Variants in NOL9 observed in about 807,000 individuals in gnomAD.
NOL9 encodes the protein polynucleotide 5'-hydroxyl-kinase NOL9.
In NOL9, 28 loss-of-function variants were observed where a neutral mutation model predicts 67.9. That is an observed-to-expected ratio of 0.41 (90% CI 0.31 to 0.57). The LOEUF (loss-of-function observed/expected upper bound fraction) is 0.57, where lower values mean the gene tolerates loss of function less well. Among genes scored for constraint, NOL9 ranks in the 20% least tolerant of loss-of-function variants. The pLI is 0.25. For synonymous variants in NOL9, 356 were observed against 352.2 expected (o/e 1.01, Z -0.12); for missense variants, 777 against 897.0 (o/e 0.87, Z 1.71).
chr1:6,532,154 G>A, intron 8 of NOL9, 75 bp from the exon 9 acceptor site: 1 of 1,152,778 alleles, frequency 8.7e-7, no homozygotes, highest in South Asian at 1.3e-5. Flanking sequence ...TCATCACAGA[G>A]GTCACATTTT....
intron 6 of NOL9, among the ~76,000 whole-genome samples, chr1:6,534,907 G>C (rs1639115486): frequency 6.6e-6 from 1 of 152,122 alleles, no homozygotes; most frequent in African/African-American, 2.4e-5. Context: ...GAGTTCAGGT[G>C]ATTCTCCTGC....
At chr1:6,531,122 T>C (rs1386969438) in intron 9 of NOL9, among the ~76,000 whole-genome samples, 2 of 152,252 alleles carry the variant, frequency 1.3e-5, no homozygotes, top group Non-Finnish European at 2.9e-5. Context: ...ACTATCATGC[T>C]TTCCTCCCAA....
intron 8 of NOL9, 96 bp from the exon 9 acceptor site, chr1:6,532,175 TG>T: frequency 1.0e-6 from 1 of 982,174 alleles, no homozygotes; most frequent in Non-Finnish European, 1.6e-6. Context: ...CACAGAGTAC[TG>T]GGCTTTCCAA....
chr1:6,540,456 T>C (rs1639259941), intron 6 of NOL9, among the ~76,000 whole-genome samples: 1 of 152,056 alleles, frequency 6.6e-6, no homozygotes, highest in Non-Finnish European at 1.5e-5. Context: ...GTTTTCATTT[T>C]GGGATGACAA....
At chr1:6,547,017 C>A (rs1388143090) in intron 3 of NOL9, among the ~76,000 whole-genome samples, 3 of 152,224 alleles carry the variant, frequency 2.0e-5, no homozygotes, top group Admixed American at 1.3e-4. Context: ...CGTTTAAAGA[C>A]TTCCTGACCT....
chr1:6,535,565 G>C (rs575770948), intron 6 of NOL9, among the ~76,000 whole-genome samples: 2 of 152,272 alleles, frequency 1.3e-5, no homozygotes, highest in Admixed American at 1.3e-4. Flanking sequence ...TATACATAGG[G>C]ATATTGTACA....
chr1:6,530,315 GT>G (rs768095038), intron 9 of NOL9, among the ~76,000 whole-genome samples: 14 of 151,648 alleles, frequency 9.2e-5, no homozygotes, highest in Non-Finnish European at 1.9e-4. Flanking sequence ...TTAGCTGGGC[GT>G]GGTGGCACGT....
chr1:6,551,867 T>TA (rs952861709), intron 1 of NOL9, among the ~76,000 whole-genome samples: 13 of 151,454 alleles, frequency 8.6e-5, no homozygotes, highest in African/African-American at 2.7e-4. Flanking sequence ...CCGTCTCTAC[T>TA]AAAAAAAATA....
Position 6,545,617 on chromosome 1 carries a change from G to A in NOL9, c.745-437C>T, listed in dbSNP as rs115848488. On this transcript the variant is annotated intron_variant, in intron 3 of 11. Coordinates refer to ENST00000377705, the MANE Select transcript of NOL9 (RefSeq NM_024654.5). ...GTCTGTGAAGTCCAGGACTGGGAAA[G>A]CAACCCAAGGAAAGGAAGAGCAGGC... 1.0e-2 allele frequency among the ~76,000 whole-genome samples: 1,522 copies of A among 152,300 alleles called. 17 individuals are homozygous for A. The highest frequency in any genetic ancestry group is 0.025 in the African/African-American group (1,044 of 41,562).
At position 6,526,685 on chromosome 1, in the gene NOL9, G is replaced by C. The variant is rs771757506; in HGVS notation, c.1959+11C>G. ...GGCTCCTTCCAGGGCTGTGCCCGGGGGAAGGCTCACCTGGCACTTAAGGAC... is the reference window on the plus strand; with the variant it reads ...GGCTCCTTCCAGGGCTGTGCCCGGGCGAAGGCTCACCTGGCACTTAAGGAC... On this transcript the variant is annotated intron_variant, in intron 11 of 11. Transcript: ENST00000377705. The C allele has an allele frequency of 6.2e-7, 1 of 1,606,586 alleles. No individual in the cohort carries two copies. The highest frequency in any genetic ancestry group is 8.5e-7 in the Non-Finnish European group (1 of 1,176,188).
intron 9 of NOL9, among the ~76,000 whole-genome samples, chr1:6,530,878 TCA>T (rs1306243926): frequency 1.3e-5 from 2 of 152,246 alleles, no homozygotes; most frequent in Non-Finnish European, 2.9e-5. Context: ...AGACCTGGGC[TCA>T]GAGTCGGGCG....
intron 6 of NOL9, among the ~76,000 whole-genome samples, chr1:6,541,327 G>T (rs779430783): frequency 1.3e-5 from 2 of 151,988 alleles, no homozygotes; most frequent in Non-Finnish European, 2.9e-5. Flanking sequence ...GACTACAGGC[G>T]TGCACCACCA....
At chr1:6,551,221 A>G (rs1470580392) in intron 1 of NOL9, among the ~76,000 whole-genome samples, 1 of 151,932 alleles carries the variant, frequency 6.6e-6, no homozygotes, top group Non-Finnish European at 1.5e-5. Context: ...TGAGGTGGGT[A>G]GACTGCTTGA....
rs780575569 is a variant in NOL9 at position 6,533,359 on chromosome 1, A to G, written c.1158T>C (p.Tyr386=). ...TGAACACATATTTCACTATGTCAAT[A>G]TAATTCTCATAGTTGTTTTTACAAG... ...KPSCKNNYEN[Y]IDIVKYVFSA... is the part of the protein sequence containing the mutation. Residue 386 remains tyrosine, a synonymous_variant, in exon 7 of 12, where the codon TAT becomes TAC. Transcript: ENST00000377705. The G allele has an allele frequency of 6.8e-6, 11 of 1,613,220 alleles. No homozygotes were observed. Among genetic ancestry groups the G allele is most frequent in the Non-Finnish European group, 9.3e-6 (11 of 1,179,288 alleles).
rs1034655435 is a variant in NOL9, at chr1:6,524,442, C to T, written c.*1412G>A. 6.6e-6 allele frequency: 1 copy of T among 152,184 alleles called. No individual in the cohort carries two copies. Among genetic ancestry groups the T allele is most frequent in the Non-Finnish European group, 1.5e-5 (1 of 68,044 alleles). 9.4% of individuals were successfully genotyped at this position (152,184 alleles called of 1,614,324 possible). On this transcript the variant is annotated 3_prime_UTR_variant, in exon 12 of 12. Coordinates refer to ENST00000377705, the MANE Select transcript of NOL9 (RefSeq NM_024654.5). ...CATCACCCGTTTACACAAACCACTTCCAACCTAGAGGACAGAGTCGGAAGC... is the reference window on the plus strand; with the variant it reads ...CATCACCCGTTTACACAAACCACTTTCAACCTAGAGGACAGAGTCGGAAGC...
intron 8 of NOL9, 115 bp from the exon 9 acceptor site, chr1:6,532,194 C>T (rs772673249): frequency 5.9e-6 from 5 of 845,516 alleles, no homozygotes; most frequent in Non-Finnish European, 9.5e-6. Context: ...CAACACTGCC[C>T]CCCCTTGACG....
chr1:6,553,312 T>G (rs960864235), intron 1 of NOL9, among the ~76,000 whole-genome samples: 27 of 152,114 alleles, frequency 1.8e-4, no homozygotes, highest in African/African-American at 6.5e-4. Context: ...TCTCCAGGAA[T>G]GGCATCCACG....
rs1287698159 is a variant in NOL9 at position 6,541,010 on chromosome 1, C to CTTTTTTTTTTTTTTTTTTTTTTTTTTTTT, written c.1075+819_1075+820insAAAAAAAAAAAAAAAAAAAAAAAAAAAAA. On this transcript the variant is annotated intron_variant, in intron 6 of 11. Transcript: ENST00000377705. The stretch of plus-strand genomic sequence containing the variant: ...ATAAAATCTGTAGACTGGTTAACAG[C>CTTTTTTTTTTTTTTTTTTTTTTTTTTTTT]GTTTTTTTTTTTTTTTTTTTTTTTG... 2.4e-5 allele frequency: 3 copies of CTTTTTTTTTTTTTTTTTTTTTTTTTTTTT among 123,092 alleles called. 1 individual carries two copies. The allele number at this position is 123,092 out of a possible 1,614,324, so 7.6% of individuals were successfully genotyped here.
intron 5 of NOL9, among the ~76,000 whole-genome samples, chr1:6,544,428 G>A (rs1639368911): frequency 6.6e-6 from 1 of 152,082 alleles, no homozygotes; most frequent in Admixed American, 6.6e-5. Flanking sequence ...GGCTGAGGCA[G>A]GAGGATCACT....
Sources: allele counts gnomAD v4.1 joint callset (sites outside exome capture counted in the v4.1 genomes callset), GRCh38; gene constraint gnomAD v4.1.1; transcripts MANE v1.5; gene names NCBI Gene and HGNC (gene_info 2026-07-23, HGNC 2026-07-21).